DNAH6: variants seen among roughly 807,000 people sequenced by gnomAD.
The protein encoded by DNAH6 is axonemal beta dynein heavy chain 6.
In DNAH6, 340 loss-of-function variants were observed where a neutral mutation model predicts 491.4. The observed-to-expected ratio is 0.69, with a 90% CI of 0.63 to 0.76. The LOEUF is 0.76. Among genes scored for constraint, DNAH6 ranks in the 30% least tolerant of loss-of-function variants. The pLI, the probability that DNAH6 is intolerant of heterozygous loss-of-function variation, is 0.00. For missense variants in DNAH6, 4,443 were observed against 4,972.2 expected (o/e 0.89, Z 3.20); for synonymous variants, 1,603 against 1,686.1 (o/e 0.95, Z 1.21).
chr2:84,692,950 G>A (rs1180901367), intron 45 of DNAH6, among the ~76,000 whole-genome samples: 2 of 152,090 alleles, frequency 1.3e-5, no homozygotes, highest in Non-Finnish European at 2.9e-5. Context: ...CTTTTCAATT[G>A]TGTTTAAAAC....
chr2:84,670,258 C>G, intron 38 of DNAH6, 70 bp from the exon 39 acceptor site: 1 of 1,107,562 alleles, frequency 9.0e-7, no homozygotes, highest in African/African-American at 1.6e-5. Flanking sequence ...ACTCATTGTG[C>G]CAAACTATTA....
intron 60 of DNAH6, 144 bp from the exon 61 acceptor site, chr2:84,727,525 A>G (rs1573621470): frequency 3.3e-6 from 2 of 610,344 alleles, no homozygotes; most frequent in Admixed American, 6.1e-5. Context: ...GTTTCCAAGA[A>G]CCTATTGGGC....
intron 10 of DNAH6, among the ~76,000 whole-genome samples, chr2:84,555,084 T>G (rs1054060563): frequency 6.6e-6 from 1 of 152,244 alleles, no homozygotes; most frequent in Non-Finnish European, 1.5e-5. Flanking sequence ...AATAGGACTA[T>G]CATTCATAAA....
Position 84,808,514 on chromosome 2 carries a change from G to T in DNAH6, c.11711G>T (p.Arg3904Leu), listed in dbSNP as rs779585612. Residue 3904 changes from arginine (R) to leucine (L), a missense_variant, in exon 72 of 77, where the codon CGG (arginine) becomes CTG (leucine). Arg to Leu is a moderately radical substitution (Grantham distance 102). Around this residue, in one of 3 missense-constraint regions of DNAH6, gnomAD observed 1,463 missense variants for 1,656.6 expected, o/e 0.88. Coordinates refer to ENST00000389394, the MANE Select transcript of DNAH6 (RefSeq NM_001370.2). ...ACCGTTCTTGGACAGGAAGTGGACC[G>T]GTTTAACAACCTGCTGAAGTTAATT... ...LTTVLGQEVDRFNNLLKLIHT... is the reference protein window; with the variant it reads ...LTTVLGQEVDLFNNLLKLIHT... The T allele has an allele frequency of 6.4e-7, 1 of 1,551,686 alleles. No individual in the cohort carries two copies. The highest frequency in any genetic ancestry group is 8.7e-7 in the Non-Finnish European group (1 of 1,146,946).
In DNAH6 at chr2:84,795,079, C is replaced by CA. The variant is rs1467433811; in HGVS notation, c.11240-1221dup. ...CATTCTCAGTAAACTATCGCAAGGA[C>CA]AAAAAACCAAACACCACATGTTCTC... On this transcript the variant is annotated intron_variant, in intron 68 of 76. Transcript: ENST00000389394. Among the ~76,000 whole-genome samples the CA allele has an allele frequency of 4.3e-5, 6 of 139,136 alleles. No homozygotes were observed. In the East Asian group the frequency reaches 1.3e-3, roughly 30 times the overall value. The allele number at this position is 139,136 out of a possible 152,430, so 91.3% of individuals were successfully genotyped here.
chr2:84,697,764 A>G, intron 47 of DNAH6, 37 bp downstream of exon 47: 1 of 1,550,162 alleles, frequency 6.5e-7, no homozygotes, highest in Non-Finnish European at 8.7e-7. Flanking sequence ...GCTTTATCAC[A>G]AAAACGTTTC....
At chr2:84,630,019 C>A (rs1465469344) in intron 29 of DNAH6, among the ~76,000 whole-genome samples, 1 of 152,084 alleles carries the variant, frequency 6.6e-6, no homozygotes, top group South Asian at 2.1e-4. Context: ...ACAAAAAACT[C>A]ATTGATTACC....
At chr2:84,744,983 T>C in intron 62 of DNAH6, 97 bp from the exon 63 acceptor site, 1 of 792,056 alleles carries the variant, frequency 1.3e-6, no homozygotes, top group Non-Finnish European at 1.9e-6. Flanking sequence ...TTAAAACTGA[T>C]AGTAAATATA....
chr2:84,634,445 A>C, intron 29 of DNAH6, 59 bp from the exon 30 acceptor site: 1 of 1,364,914 alleles, frequency 7.3e-7, no homozygotes, highest in East Asian at 2.9e-5. Context: ...CTCAGAATTT[A>C]ATTTTTGAAG....
chr2:84,663,432 G>A (rs1248353445), intron 37 of DNAH6, among the ~76,000 whole-genome samples: 4 of 152,136 alleles, frequency 2.6e-5, no homozygotes, highest in South Asian at 4.1e-4. Flanking sequence ...ACCATGGCAC[G>A]AGAACTACGT....
At chr2:84,724,751 C>T (rs577952842) in intron 60 of DNAH6, among the ~76,000 whole-genome samples, 2 of 152,160 alleles carry the variant, frequency 1.3e-5, no homozygotes, top group African/African-American at 4.8e-5. Flanking sequence ...CTTCTCACTA[C>T]AGGGCAACTG....
intron 64 of DNAH6, among the ~76,000 whole-genome samples, chr2:84,776,889 A>G (rs529268873): frequency 6.6e-6 from 1 of 152,360 alleles, no homozygotes; most frequent in East Asian, 1.9e-4. Flanking sequence ...TGTGGCACAT[A>G]TACACCGTGG....
chr2:84,535,019 T>C (rs1677546817), intron 4 of DNAH6, among the ~76,000 whole-genome samples: 1 of 151,996 alleles, frequency 6.6e-6, no homozygotes. Context: ...AAAGGTCTTT[T>C]TGATCCTATA....
intron 62 of DNAH6, among the ~76,000 whole-genome samples, chr2:84,740,879 C>T (rs574068041): frequency 6.6e-6 from 1 of 152,334 alleles, no homozygotes; most frequent in South Asian, 2.1e-4. Flanking sequence ...ACTCTCCACA[C>T]TCACTGCTCA....
chr2:84,719,493 G>GTT (rs56133927), intron 59 of DNAH6, among the ~76,000 whole-genome samples: 1 of 150,924 alleles, frequency 6.6e-6, no homozygotes, highest in Admixed American at 6.6e-5. Flanking sequence ...TTGAGTTTTT[G>GTT]TTTTTTTTGT....
intron 70 of DNAH6, among the ~76,000 whole-genome samples, chr2:84,799,184 CA>C (rs1292899694): frequency 3.9e-5 from 6 of 152,068 alleles, no homozygotes; most frequent in African/African-American, 1.4e-4. Flanking sequence ...GACAGGGTTT[CA>C]CCATGTTGAC....
the DNAH6 span, among the ~76,000 whole-genome samples, chr2:84,474,968 T>A: frequency 6.6e-6 from 1 of 152,246 alleles, no homozygotes; most frequent in Non-Finnish European, 1.5e-5. Context: ...TTCTTTTCAC[T>A]GTGCTTCTTC....
intron 33 of DNAH6, among the ~76,000 whole-genome samples, chr2:84,647,961 A>G (rs1425634548): frequency 6.6e-6 from 1 of 152,216 alleles, no homozygotes; most frequent in African/African-American, 2.4e-5. Context: ...TCATTTGATG[A>G]ATCTGATTTT....
In DNAH6 at chr2:84,808,451, T is replaced by C. The variant is rs1296430781; in HGVS notation, c.11648T>C (p.Phe3883Ser). 7 of 1,545,544 alleles carry C rather than the reference T, an allele frequency of 4.5e-6. No individual in the cohort carries two copies. The highest frequency in any genetic ancestry group is 6.1e-6 in the Non-Finnish European group (7 of 1,145,390). The change falls in exon 72 of 77, where the codon TTT becomes TCT. Residue 3883 changes from phenylalanine to serine, a missense_variant. This residue lies in a region of DNAH6 where 1,463 missense variants were observed against 1,656.6 expected (regional missense o/e 0.88). Transcript: ENST00000389394. ...LEMEGASESL[F>S]VKDLQGRLNS... is the part of the protein sequence containing the mutation. The stretch of plus-strand genomic sequence containing the variant: ...ATGGAGGGTGCTTCTGAGAGCCTTT[T>C]TGTCAAGGATCTTCAAGGACGTCTG...
Sources: gnomAD v4.1 joint callset for allele counts (sites outside exome capture counted in the v4.1 genomes callset) on GRCh38, gnomAD v4.1.1 for gene constraint, gnomAD v4.1.1 regional missense constraint, MANE v1.5 for transcripts, NCBI Gene and HGNC (gene_info 2026-07-23, HGNC 2026-07-21) for gene names.